The following WDFY1 variants were observed in gnomAD, a reference collection of about 807,000 sequenced individuals.
The protein encoded by WDFY1 is WD repeat and FYVE domain containing 1, also known as WD repeat and FYVE domain-containing protein 1.
A neutral mutation model predicts 56.4 loss-of-function variants in WDFY1; 32 were observed. The observed-to-expected ratio is 0.57, with a 90% CI of 0.43 to 0.76. WDFY1 has a LOEUF of 0.76. Ranked by LOEUF, WDFY1 falls within the 30% of genes least tolerant of loss-of-function variation. The probability of loss-of-function intolerance (pLI) is 0.00; values close to 1 mark genes in which losing one functional copy is unlikely to be tolerated. For synonymous variants in WDFY1, 192 were observed against 197.3 expected (o/e 0.97, Z 0.23); for missense variants, 480 against 545.7 (o/e 0.88, Z 1.20).
At chr2:223,940,453 A>C (rs1689280836) in intron 1 of WDFY1, among the ~76,000 whole-genome samples, 1 of 152,184 alleles carries the variant, frequency 6.6e-6, no homozygotes, top group Non-Finnish European at 1.5e-5. Context: ...CCTACCTTAT[A>C]GGGAGGAAGT....
chr2:223,895,721 A>G (rs1574762915), intron 6 of WDFY1, 91 bp from the exon 7 acceptor site: 1 of 1,532,532 alleles, frequency 6.5e-7, no homozygotes, highest in East Asian at 2.4e-5. Flanking sequence ...ACAGCTGAAG[A>G]CCAAACTAGG....
At chr2:223,944,368 G>A (rs563780041) in intron 1 of WDFY1, among the ~76,000 whole-genome samples, 5 of 152,398 alleles carry the variant, frequency 3.3e-5, no homozygotes, top group African/African-American at 1.2e-4. Context: ...GCCAGGGAGA[G>A]AGACCGGGAC....
chr2:223,928,390 G>C (rs1298108228), intron 1 of WDFY1, among the ~76,000 whole-genome samples: 1 of 152,148 alleles, frequency 6.6e-6, no homozygotes, highest in Non-Finnish European at 1.5e-5. Context: ...GACAGGAGAA[G>C]GGGAGGAGAA....
chr2:223,876,224 G>A lies in WDFY1; in HGVS notation c.*2447C>T, dbSNP rs147676029. On this transcript the variant is annotated 3_prime_UTR_variant, in exon 12 of 12. Coordinates refer to ENST00000233055, the MANE Select transcript of WDFY1 (RefSeq NM_020830.5). ...AGTCTGTATTCCTTAATCCCTATCT[G>A]TACAAATTAGCCTGCATATTCAGGA... is the stretch of plus-strand genomic sequence containing the variant. 5.5e-3 allele frequency: 834 copies of A among 152,202 alleles called. 6 individuals are homozygous for A. Among genetic ancestry groups the A allele is most frequent in the African/African-American group, 0.019 (779 of 41,370 alleles). The allele number at this position is 152,202 out of a possible 1,614,324, so 9.4% of individuals were successfully genotyped here.
Position 223,933,897 on chromosome 2 carries a change from G to A in WDFY1, c.137+11251C>T, listed in dbSNP as rs531680095. Among the ~76,000 whole-genome samples, 16 of 133,554 alleles carry A rather than the reference G, an allele frequency of 1.2e-4. No individual in the cohort carries two copies. The South Asian group carries it at 4.2e-3, about 35-fold the overall frequency. The allele number at this position is 133,554 out of a possible 152,430, so 87.6% of individuals were successfully genotyped here. A position where few individuals can be genotyped will look rare whatever the true frequency, so the allele number is the denominator to read the frequency against. The stretch of plus-strand genomic sequence containing the variant: ...GGATCGTTTGAGCCCAGGAGGTGGA[G>A]GCTACAGTGAGCTCTGATTGTGCCA... On this transcript the variant is annotated intron_variant, in intron 1 of 11. Coordinates refer to ENST00000233055, the MANE Select transcript of WDFY1 (RefSeq NM_020830.5).
chr2:223,915,910 T>C (rs755435158), intron 2 of WDFY1, among the ~76,000 whole-genome samples: 1 of 152,190 alleles, frequency 6.6e-6, no homozygotes, highest in Non-Finnish European at 1.5e-5. Context: ...CACTAAGACA[T>C]TGGTTACTTC....
At chr2:223,944,938 G>A (rs929433967) in intron 1 of WDFY1, among the ~76,000 whole-genome samples, 14 of 152,122 alleles carry the variant, frequency 9.2e-5, no homozygotes, top group Admixed American at 4.6e-4. Flanking sequence ...CGGCGAGACC[G>A]GGGTCCCAGG....
intron 1 of WDFY1, among the ~76,000 whole-genome samples, chr2:223,939,822 A>C (rs1689268909): frequency 6.6e-6 from 1 of 152,166 alleles, no homozygotes; most frequent in South Asian, 2.1e-4. Flanking sequence ...CCCCCACATC[A>C]TGACAACCAA....
Position 223,878,116 on chromosome 2 carries a change from T to G in WDFY1, c.*555A>C, listed in dbSNP as rs1276633706. 6.6e-6 allele frequency: 1 copy of G among 152,278 alleles called. No homozygotes were observed. Among genetic ancestry groups the G allele is most frequent in the African/African-American group, 2.4e-5 (1 of 41,404 alleles). The allele number at this position is 152,278 out of a possible 1,614,324, so 9.4% of individuals were successfully genotyped here. A position where few individuals can be genotyped will look rare whatever the true frequency, so the allele number is the denominator to read the frequency against. On this transcript the variant is annotated 3_prime_UTR_variant, in exon 12 of 12. Coordinates refer to ENST00000233055, the MANE Select transcript of WDFY1 (RefSeq NM_020830.5). ...TATGGCACTACCTGAAAATAACAGA[T>G]CTCTTTAAGAAGTTTATCAATAACT...
intron 4 of WDFY1, among the ~76,000 whole-genome samples, chr2:223,904,464 G>C (rs914918526): frequency 1.3e-5 from 2 of 152,130 alleles, no homozygotes; most frequent in African/African-American, 4.8e-5. Flanking sequence ...TGTTGGCCAG[G>C]CTGGCCTCAA....
At chr2:223,921,592 TA>T (rs1693885922) in intron 1 of WDFY1, among the ~76,000 whole-genome samples, 1 of 152,246 alleles carries the variant, frequency 6.6e-6, no homozygotes, top group Non-Finnish European at 1.5e-5. Flanking sequence ...GAGGATATTT[TA>T]AAGATTTTTT....
chr2:223,902,720 T>C (rs1693525693), intron 4 of WDFY1, among the ~76,000 whole-genome samples: 1 of 151,476 alleles, frequency 6.6e-6, no homozygotes, highest in African/African-American at 2.4e-5. Context: ...TGTATTATTA[T>C]ACTGATTTTC....
At chr2:223,893,792 G>C (rs533980661) in intron 8 of WDFY1, among the ~76,000 whole-genome samples, 1 of 152,176 alleles carries the variant, frequency 6.6e-6, no homozygotes, top group South Asian at 2.1e-4. Context: ...TAAAAGCAGA[G>C]AAATGGAAAT....
At chr2:223,940,564 C>T (rs931397750) in intron 1 of WDFY1, among the ~76,000 whole-genome samples, 1 of 151,986 alleles carries the variant, frequency 6.6e-6, no homozygotes, top group Non-Finnish European at 1.5e-5. Flanking sequence ...TTACAAATTC[C>T]GATCATATCA....
In WDFY1 at chr2:223,893,540, A is replaced by G. The variant is rs182599944; in HGVS notation, c.831+694T>C. 1.3e-3 allele frequency among the ~76,000 whole-genome samples: 200 copies of G among 151,952 alleles called. 2 individuals carry two copies. Among genetic ancestry groups the G allele is most frequent in the Middle Eastern group, 6.8e-3 (2 of 294 alleles). On this transcript the variant is annotated intron_variant, in intron 8 of 11. Coordinates refer to ENST00000233055, the MANE Select transcript of WDFY1 (RefSeq NM_020830.5). ...GCAAGACCCTGTCTCAAAAAAAAAA[A>G]AGAGAGAGAGAGATTGTTTAGACAA...
chr2:223,895,732 AGCAG>A, intron 6 of WDFY1, 102 bp from the exon 7 acceptor site: 1 of 1,497,050 alleles, frequency 6.7e-7, no homozygotes, highest in South Asian at 1.2e-5. Context: ...CCAAACTAGG[AGCAG>A]CTGAGTCTTT....
chr2:223,931,727 C>T (rs1694078077), intron 1 of WDFY1, among the ~76,000 whole-genome samples: 1 of 147,892 alleles, frequency 6.8e-6, no homozygotes, highest in Admixed American at 6.9e-5. Context: ...TGCTCTGTTG[C>T]ACAGGTTGGA....
chr2:223,896,271 T>G lies in WDFY1; in HGVS notation c.599-641A>C, dbSNP rs563498797. 2.0e-5 allele frequency among the ~76,000 whole-genome samples: 3 copies of G among 149,276 alleles called. No individual in the cohort carries two copies. In the South Asian group the frequency reaches 6.4e-4, roughly 32 times the overall value. ...TAGCTTACATACAAAATGTTCAGAATGAAGAAAAAAATTGCTACTAATATT... is the reference window on the plus strand; with the variant it reads ...TAGCTTACATACAAAATGTTCAGAAGGAAGAAAAAAATTGCTACTAATATT... On this transcript the variant is annotated intron_variant, in intron 6 of 11. Transcript: ENST00000233055.
At chr2:223,882,729 AT>A (rs11331883) in intron 9 of WDFY1, among the ~76,000 whole-genome samples, 135,006 of 150,662 alleles carry the variant, frequency 0.9, 60,875 homozygotes, top group South Asian at 0.96. Context: ...CATTATTATT[AT>A]TTTTTTTTTC....
Sources: allele counts gnomAD v4.1 joint callset (sites outside exome capture counted in the v4.1 genomes callset), GRCh38; gene constraint gnomAD v4.1.1; transcripts MANE v1.5; gene names NCBI Gene and HGNC (gene_info 2026-07-23, HGNC 2026-07-21).